GUCY1A2: variants seen among roughly 807,000 people sequenced by gnomAD.
GUCY1A2 encodes guanylate cyclase 1 soluble subunit alpha 2, also known as guanylate cyclase soluble subunit alpha-2.
A neutral mutation model predicts 63.5 loss-of-function variants in GUCY1A2; 27 were observed. That is an observed-to-expected ratio of 0.43 (90% confidence interval 0.31 to 0.59). The LOEUF is 0.59. Ranked by LOEUF, GUCY1A2 falls within the 20% of genes least tolerant of loss-of-function variation. The pLI is 0.11. For missense variants in GUCY1A2, 768 were observed against 913.3 expected, an observed-to-expected ratio of 0.84 and a Z score of 2.05; for synonymous variants, 364 against 343.5, an observed-to-expected ratio of 1.06 and a Z score of -0.66.
intron 4 of GUCY1A2, among the ~76,000 whole-genome samples, chr11:106,934,792 TGGGTTCCTTCCAA>T (rs1860652966): frequency 6.6e-6 from 1 of 152,172 alleles, no homozygotes; most frequent in Non-Finnish European, 1.5e-5. Flanking sequence ...TTTCAAATGC[TGGGTTCCTTCCAA>T]GGTGCTATTA....
intron 4 of GUCY1A2, among the ~76,000 whole-genome samples, chr11:106,815,076 C>T (rs1386407192): frequency 6.6e-6 from 1 of 151,848 alleles, no homozygotes; most frequent in Non-Finnish European, 1.5e-5. Context: ...CACAAAATCT[C>T]AGTAAAGCAA....
chr11:106,777,214 G>A (rs1864372707), intron 5 of GUCY1A2, among the ~76,000 whole-genome samples: 1 of 152,142 alleles, frequency 6.6e-6, no homozygotes, highest in Admixed American at 6.6e-5. Context: ...CACTTTGGGA[G>A]GTTGAGGCAG....
At chr11:106,998,520 T>G (rs1591359267) in intron 1 of GUCY1A2, among the ~76,000 whole-genome samples, 1 of 152,240 alleles carries the variant, frequency 6.6e-6, no homozygotes, top group Admixed American at 6.5e-5. Context: ...TTATGATGCT[T>G]GAAAAGAAGG....
At chr11:106,969,172 C>T (rs1861163556) in intron 3 of GUCY1A2, among the ~76,000 whole-genome samples, 2 of 152,212 alleles carry the variant, frequency 1.3e-5, no homozygotes, top group South Asian at 2.1e-4. Context: ...TATTGTGACA[C>T]ATAAAACTCT....
At chr11:106,907,504 A>C (rs1343721701) in intron 4 of GUCY1A2, among the ~76,000 whole-genome samples, 1 of 152,042 alleles carries the variant, frequency 6.6e-6, no homozygotes, top group East Asian at 1.9e-4. Flanking sequence ...TGCTGCACCC[A>C]TTAACTCGTC....
chr11:106,703,252 T>G (rs1862848848), intron 7 of GUCY1A2, among the ~76,000 whole-genome samples: 1 of 152,176 alleles, frequency 6.6e-6, no homozygotes, highest in Admixed American at 6.5e-5. Flanking sequence ...TCAATACTCC[T>G]TAATAAACTC....
intron 5 of GUCY1A2, among the ~76,000 whole-genome samples, chr11:106,777,689 G>A (rs1444763362): frequency 7.6e-6 from 1 of 131,548 alleles, no homozygotes; most frequent in Non-Finnish European, 1.6e-5. Flanking sequence ...GGGGGGTGGG[G>A]GGCTAGGGGT....
chr11:106,760,017 T>C (rs1864038506), intron 6 of GUCY1A2, among the ~76,000 whole-genome samples: 1 of 150,954 alleles, frequency 6.6e-6, no homozygotes, highest in South Asian at 2.1e-4. Flanking sequence ...GATTTTATGC[T>C]GCCAAGGAAC....
At chr11:106,771,939 G>C (rs1304005430) in intron 6 of GUCY1A2, among the ~76,000 whole-genome samples, 1 of 152,198 alleles carries the variant, frequency 6.6e-6, no homozygotes, top group East Asian at 1.9e-4. Flanking sequence ...TTTTCAGAAT[G>C]TATTGTATAG....
chr11:106,778,694 TC>T (rs1271681014), intron 5 of GUCY1A2, among the ~76,000 whole-genome samples: 1 of 152,168 alleles, frequency 6.6e-6, no homozygotes, highest in African/African-American at 2.4e-5. Context: ...TATGTTTTTT[TC>T]ATCTCTGTAT....
rs1393769260 is a variant in GUCY1A2, at chr11:106,676,774, T to G, written c.*10775A>C. 4 of 195,850 alleles carry G rather than the reference T, an allele frequency of 2.0e-5. No homozygotes were observed. The highest frequency in any genetic ancestry group is 2.3e-5 in the African/African-American group (1 of 43,208). 12.1% of individuals were successfully genotyped at this position (195,850 alleles called of 1,614,324 possible). On this transcript the variant is annotated 3_prime_UTR_variant, in exon 8 of 8. Coordinates refer to ENST00000526355, the MANE Select transcript of GUCY1A2 (RefSeq NM_000855.3). Reference sequence around the variant, plus strand: ...CATTTTTTTTTTCTATTTCAGTCTTTAGCAGTGTGGTACTCACATAAAAAA... The same window carrying G: ...CATTTTTTTTTTCTATTTCAGTCTTGAGCAGTGTGGTACTCACATAAAAAA...
chr11:106,736,335 G>A (rs896209221), intron 6 of GUCY1A2, among the ~76,000 whole-genome samples: 2 of 152,022 alleles, frequency 1.3e-5, no homozygotes, highest in African/African-American at 2.4e-5. Flanking sequence ...GGTCCAGTTC[G>A]TTTTTCTACA....
chr11:106,933,876 C>T (rs1355689502), intron 4 of GUCY1A2, among the ~76,000 whole-genome samples: 1 of 152,142 alleles, frequency 6.6e-6, no homozygotes, highest in African/African-American at 2.4e-5. Flanking sequence ...ACCGCATGTT[C>T]TCACTTAAAA....
At chr11:106,957,432 T>C (rs182030699) in intron 3 of GUCY1A2, among the ~76,000 whole-genome samples, 1 of 152,196 alleles carries the variant, frequency 6.6e-6, no homozygotes, top group Non-Finnish European at 1.5e-5. Context: ...GTGGCGTGGG[T>C]TCACGAGTGG....
chr11:106,736,518 G>A (rs1863592166), intron 6 of GUCY1A2, among the ~76,000 whole-genome samples: 1 of 152,052 alleles, frequency 6.6e-6, no homozygotes, highest in East Asian at 1.9e-4. Context: ...GTACCATGCT[G>A]TTTTGGTTAC....
At chr11:106,942,167 T>C (rs1004761133) in intron 3 of GUCY1A2, among the ~76,000 whole-genome samples, 17 of 152,214 alleles carry the variant, frequency 1.1e-4, no homozygotes, top group African/African-American at 3.9e-4. Flanking sequence ...CTTAAATCAA[T>C]ACATACTGTT....
chr11:106,743,842 A>G (rs1409912136), intron 6 of GUCY1A2, among the ~76,000 whole-genome samples: 3 of 152,192 alleles, frequency 2.0e-5, no homozygotes, highest in South Asian at 4.1e-4. Context: ...AGTGGCACTG[A>G]GTAAATATTT....
At chr11:106,903,755 C>T (rs1295688394) in intron 4 of GUCY1A2, among the ~76,000 whole-genome samples, 1 of 152,082 alleles carries the variant, frequency 6.6e-6, no homozygotes, top group Non-Finnish European at 1.5e-5. Flanking sequence ...TATTACCTCT[C>T]TTGTAATTTA....
chr11:106,867,207 A>G (rs377608995), intron 4 of GUCY1A2, among the ~76,000 whole-genome samples: 1 of 152,092 alleles, frequency 6.6e-6, no homozygotes, highest in South Asian at 2.1e-4. Flanking sequence ...AAAATGTACA[A>G]TTTATTTTTA....
Sources: gnomAD v4.1 joint callset for allele counts (sites outside exome capture counted in the v4.1 genomes callset) on GRCh38, gnomAD v4.1.1 for gene constraint, MANE v1.5 for transcripts, NCBI Gene and HGNC (gene_info 2026-07-23, HGNC 2026-07-21) for gene names.